XKR6: variants seen among roughly 807,000 people sequenced by gnomAD.
XKR6 encodes XK related 6.
A neutral mutation model predicts 56.7 loss-of-function variants in XKR6; 22 were observed. The ratio of observed to expected loss-of-function variants is 0.39; its 90% CI spans 0.28 to 0.55. XKR6 has a LOEUF of 0.55. Ranked by LOEUF, XKR6 falls within the 20% of genes least tolerant of loss-of-function variation. The probability of loss-of-function intolerance (pLI) is 0.66; values close to 1 mark genes in which losing one functional copy is unlikely to be tolerated. For missense variants in XKR6, 852 were observed against 889.0 expected (o/e 0.96, Z 0.53); for synonymous variants, 524 against 387.8 (o/e 1.35, Z -4.13).
intron 1 of XKR6, among the ~76,000 whole-genome samples, chr8:11,126,258 G>A (rs775673866): frequency 3.9e-5 from 6 of 152,004 alleles, no homozygotes; most frequent in South Asian, 2.1e-4. Flanking sequence ...TAGTAAAGAC[G>A]GGGTTCACTA....
At chr8:11,172,914 C>T (rs1422572583) in intron 1 of XKR6, among the ~76,000 whole-genome samples, 3 of 152,018 alleles carry the variant, frequency 2.0e-5, no homozygotes, top group Admixed American at 6.6e-5. Context: ...AGGCTGGCAG[C>T]GGCGACACTG....
chr8:11,006,489 T>C (rs1208118721), intron 1 of XKR6, among the ~76,000 whole-genome samples: 1 of 152,204 alleles, frequency 6.6e-6, no homozygotes, highest in African/African-American at 2.4e-5. Flanking sequence ...TGTGAGGATG[T>C]ATATTCTATT....
intron 1 of XKR6, among the ~76,000 whole-genome samples, chr8:10,942,928 AT>A (rs1373532153): frequency 6.6e-6 from 1 of 152,098 alleles, no homozygotes; most frequent in East Asian, 1.9e-4. Flanking sequence ...TGTCCTTTCC[AT>A]GTCTGACCAC....
chr8:11,124,328 T>C (rs1020272301), intron 1 of XKR6: 1 of 317,964 alleles, frequency 3.1e-6, no homozygotes. Context: ...ACTCTTGAGA[T>C]CATCAATAAC....
chr8:11,197,020 A>G (rs1312091937), intron 1 of XKR6, among the ~76,000 whole-genome samples: 1 of 152,186 alleles, frequency 6.6e-6, no homozygotes, highest in Non-Finnish European at 1.5e-5. Flanking sequence ...CAAATCAGAA[A>G]ACAACGCTAA....
intron 1 of XKR6, among the ~76,000 whole-genome samples, chr8:11,131,175 T>G (rs780043642): frequency 4.6e-5 from 7 of 152,302 alleles, no homozygotes; most frequent in South Asian, 2.1e-4. Flanking sequence ...ACACTCTGGT[T>G]CATCTCAGTG....
intron 1 of XKR6, among the ~76,000 whole-genome samples, chr8:11,059,408 G>T (rs1277600236): frequency 6.6e-6 from 1 of 152,216 alleles, no homozygotes. Flanking sequence ...GGCGCCCGAA[G>T]GGAGTCCCCG....
At chr8:11,019,969 C>G (rs1010725187) in intron 1 of XKR6, among the ~76,000 whole-genome samples, 1 of 152,120 alleles carries the variant, frequency 6.6e-6, no homozygotes, top group African/African-American at 2.4e-5. Context: ...ACTGATAATC[C>G]ACTGGAGAGA....
intron 1 of XKR6, among the ~76,000 whole-genome samples, chr8:10,963,950 C>A (rs941759874): frequency 2.6e-5 from 4 of 152,206 alleles, no homozygotes; most frequent in African/African-American, 9.6e-5. Context: ...CAAGTTAATT[C>A]ACTGCCCTGA....
intron 1 of XKR6, among the ~76,000 whole-genome samples, chr8:11,130,832 C>T (rs926775881): frequency 4.6e-5 from 7 of 152,092 alleles, no homozygotes; most frequent in Non-Finnish European, 1.0e-4. Context: ...CAACACAGAC[C>T]TTCAGGACTC....
chr8:11,182,521 A>G (rs1285392253), intron 1 of XKR6, among the ~76,000 whole-genome samples: 3 of 152,232 alleles, frequency 2.0e-5, no homozygotes, highest in Non-Finnish European at 4.4e-5. Context: ...CAGGACACTG[A>G]TAAGAGGCAT....
At chr8:11,008,723 T>A (rs902211188) in intron 1 of XKR6, among the ~76,000 whole-genome samples, 5 of 152,080 alleles carry the variant, frequency 3.3e-5, no homozygotes, top group Non-Finnish European at 5.9e-5. Context: ...CTCCCCAGAC[T>A]TTCCAAAGGG....
At chr8:10,910,501 G>T (rs775242168) in intron 2 of XKR6, among the ~76,000 whole-genome samples, 1 of 152,122 alleles carries the variant, frequency 6.6e-6, no homozygotes, top group Non-Finnish European at 1.5e-5. Flanking sequence ...AGCCACCACC[G>T]CAATCTTCAG....
chr8:11,055,411 C>A (rs879580416), intron 1 of XKR6, among the ~76,000 whole-genome samples: 1 of 152,170 alleles, frequency 6.6e-6, no homozygotes, highest in Non-Finnish European at 1.5e-5. Context: ...CAGGCCAAGG[C>A]CAGAGCCCAA....
At chr8:10,963,573 ACT>A (rs1802129010) in intron 1 of XKR6, among the ~76,000 whole-genome samples, 1 of 149,432 alleles carries the variant, frequency 6.7e-6, no homozygotes, top group African/African-American at 2.5e-5. Flanking sequence ...ATCGAGTCTC[ACT>A]CTGTCACCCA....
intron 1 of XKR6, among the ~76,000 whole-genome samples, chr8:10,973,374 C>A (rs765474172): frequency 1.1e-4 from 17 of 152,174 alleles, no homozygotes; most frequent in Non-Finnish European, 2.4e-4. Context: ...GGTTCCCTGG[C>A]CCCTGGACCC....
intron 1 of XKR6, among the ~76,000 whole-genome samples, chr8:11,097,906 AG>A (rs1264677597): frequency 6.6e-6 from 1 of 150,950 alleles, no homozygotes; most frequent in African/African-American, 2.4e-5. Context: ...CTATAGTGTT[AG>A]TAACATCTAA....
At chr8:11,108,442 G>C (rs1174941815) in intron 1 of XKR6, 3 of 429,358 alleles carry the variant, frequency 7.0e-6, no homozygotes, top group African/African-American at 2.1e-5. Context: ...ATAATTGTTA[G>C]AAATGTTAGA....
At chr8:11,091,654 G>A (rs1045631573) in intron 1 of XKR6, among the ~76,000 whole-genome samples, 6 of 152,040 alleles carry the variant, frequency 3.9e-5, no homozygotes, top group African/African-American at 1.2e-4. Context: ...CTGAGATGCC[G>A]GTGTTAAGTC....
Sources: gnomAD v4.1 joint callset for allele counts (sites outside exome capture counted in the v4.1 genomes callset) on GRCh38, gnomAD v4.1.1 for gene constraint, MANE v1.5 for transcripts, NCBI Gene and HGNC (gene_info 2026-07-23, HGNC 2026-07-21) for gene names.